The following SERINC5 variants were observed in gnomAD, a reference collection of about 807,000 sequenced individuals.
SERINC5 encodes chromosome 5 open reading frame 12.
SERINC5 carries 41 observed loss-of-function variants against 63.1 expected under a neutral mutation model. That is an observed-to-expected ratio of 0.65 (90% confidence interval 0.51 to 0.84). SERINC5 has a LOEUF of 0.84. Ranked by LOEUF, SERINC5 falls within the 40% of genes least tolerant of loss-of-function variation. The pLI is 0.00. For synonymous variants in SERINC5, 222 were observed against 215.2 expected (o/e 1.03, Z -0.28); for missense variants, 523 against 573.0 (o/e 0.91, Z 0.89).
At chr5:80,230,316 C>A (rs1751379088) in intron 1 of SERINC5, among the ~76,000 whole-genome samples, 1 of 151,854 alleles carries the variant, frequency 6.6e-6, no homozygotes, top group Admixed American at 6.6e-5. Context: ...ACTAAAAATA[C>A]AGCAAAATGA....
intron 1 of SERINC5, among the ~76,000 whole-genome samples, chr5:80,222,867 C>A (rs1361873602): frequency 1.3e-5 from 2 of 151,946 alleles, no homozygotes; most frequent in Non-Finnish European, 2.9e-5. Context: ...GGCCACCATA[C>A]CGGCCAGTTT....
In SERINC5 at chr5:80,142,993, T is replaced by C. The variant is rs1745601564; in HGVS notation, c.*670A>G. On this transcript the variant is annotated 3_prime_UTR_variant, in exon 12 of 12. Transcript: ENST00000507668. Reference sequence around the variant, plus strand: ...AGACAAATTGTGCTTTTTCACATTATTACAAAGATGTGGGACCCAGAAAAG... The same window carrying C: ...AGACAAATTGTGCTTTTTCACATTACTACAAAGATGTGGGACCCAGAAAAG... 2 of 985,438 alleles carry C rather than the reference T, an allele frequency of 2.0e-6. No individual in the cohort carries two copies. Among genetic ancestry groups the C allele is most frequent in the African/African-American group, 1.7e-5 (1 of 57,338 alleles). 61.0% of individuals were successfully genotyped at this position (985,438 alleles called of 1,614,324 possible). A position where few individuals can be genotyped will look rare whatever the true frequency, so the allele number is the denominator to read the frequency against.
intron 11 of SERINC5, among the ~76,000 whole-genome samples, chr5:80,120,842 TAAAG>T (rs1249385051): frequency 6.6e-6 from 1 of 152,156 alleles, no homozygotes; most frequent in Non-Finnish European, 1.5e-5. Flanking sequence ...TGCATTGCTA[TAAAG>T]AAATACCTGA....
chr5:80,157,353 A>T (rs1342435028), intron 8 of SERINC5: 2 of 151,216 alleles, frequency 1.3e-5, no homozygotes, highest in Non-Finnish European at 2.9e-5. Flanking sequence ...ATTTTATTCT[A>T]TCAAATATCT....
intron 1 of SERINC5, among the ~76,000 whole-genome samples, chr5:80,210,851 G>A (rs916634902): frequency 6.6e-6 from 1 of 152,196 alleles, no homozygotes; most frequent in Non-Finnish European, 1.5e-5. Flanking sequence ...CCAGGTAGAT[G>A]ACGGGTGGTA....
chr5:80,192,574 T>C (rs1487804690), intron 2 of SERINC5, among the ~76,000 whole-genome samples: 11 of 152,134 alleles, frequency 7.2e-5, no homozygotes, highest in African/African-American at 2.7e-4. Flanking sequence ...AAGCCATCAA[T>C]AGCTCGAACA....
downstream of SERINC5, among the ~76,000 whole-genome samples, chr5:80,134,876 G>A (rs1745097506): frequency 6.6e-6 from 1 of 152,242 alleles, no homozygotes; most frequent in Non-Finnish European, 1.5e-5. Flanking sequence ...GATTGGTGGA[G>A]ATGGTTTTTA....
chr5:80,221,792 CAA>C (rs34503587), intron 1 of SERINC5, among the ~76,000 whole-genome samples: 4 of 137,316 alleles, frequency 2.9e-5, no homozygotes, highest in Admixed American at 7.2e-5. Flanking sequence ...ACAACTTTAG[CAA>C]AAAAAAAAAA....
chr5:80,122,398 G>A (rs1744586082), intron 11 of SERINC5, among the ~76,000 whole-genome samples: 1 of 151,766 alleles, frequency 6.6e-6, no homozygotes, highest in Non-Finnish European at 1.5e-5. Context: ...AGCAGTGCTG[G>A]CAGCTGATTA....
chr5:80,240,069 A>C (rs898433640), intron 1 of SERINC5, among the ~76,000 whole-genome samples: 1 of 152,204 alleles, frequency 6.6e-6, no homozygotes, highest in African/African-American at 2.4e-5. Context: ...AATTGCTCCA[A>C]CAGGATGGAT....
intron 5 of SERINC5, among the ~76,000 whole-genome samples, chr5:80,173,034 G>A (rs1048409988): frequency 6.6e-6 from 1 of 151,916 alleles, no homozygotes; most frequent in Non-Finnish European, 1.5e-5. Flanking sequence ...CTAACTTCCT[G>A]ATATTGACAC....
chr5:80,233,805 CTTTTTTTTTTT>C (rs373920343), intron 1 of SERINC5, among the ~76,000 whole-genome samples: 1 of 69,950 alleles, frequency 1.4e-5, no homozygotes, highest in East Asian at 4.5e-4. Flanking sequence ...TCAACTTTTA[CTTTTTTTTTTT>C]TTTTTTTTTT....
At position 80,142,208 on chromosome 5, in the gene SERINC5, T is replaced by C. The variant is rs1441595503; in HGVS notation, c.*1455A>G. Reference sequence around the variant, plus strand: ...TTTCCCTGCCTGAATACATCAACACTGAAAATAGGCATCATCTTGGGTAGC... The same window carrying C: ...TTTCCCTGCCTGAATACATCAACACCGAAAATAGGCATCATCTTGGGTAGC... On this transcript the variant is annotated 3_prime_UTR_variant, in exon 12 of 12. Coordinates refer to ENST00000507668, the MANE Select transcript of SERINC5 (RefSeq NM_001174072.3). The C allele has an allele frequency of 1.0e-5, 10 of 985,258 alleles. No individual in the cohort carries two copies. Among genetic ancestry groups the C allele is most frequent in the Non-Finnish European group, 1.2e-5 (10 of 829,886 alleles). The allele number at this position is 985,258 out of a possible 1,614,324, so 61.0% of individuals were successfully genotyped here. A position where few individuals can be genotyped will look rare whatever the true frequency, so the allele number is the denominator to read the frequency against.
intron 2 of SERINC5, among the ~76,000 whole-genome samples, chr5:80,201,997 G>C (rs1434707420): frequency 6.6e-6 from 1 of 152,126 alleles, no homozygotes; most frequent in Non-Finnish European, 1.5e-5. Flanking sequence ...AGCACTTTTG[G>C]GAGGCCAAGG....
intron 3 of SERINC5, 97 bp downstream of exon 3, chr5:80,177,789 G>C (rs933652054): frequency 2.2e-6 from 2 of 902,024 alleles, no homozygotes; most frequent in African/African-American, 1.7e-5. Context: ...ACTAGAAGAA[G>C]GGCAGTCACA....
At position 80,166,286 on chromosome 5, in the gene SERINC5, A is replaced by G. The variant is rs923310804; in HGVS notation, c.859+97T>C. ...TCTGGTAACCATCTTTCTGCTCTCT[A>G]TCTCCAAGGCCTCTCCAATATTTAA... On this transcript the variant is annotated intron_variant, in intron 7 of 11. Coordinates refer to ENST00000507668, the MANE Select transcript of SERINC5 (RefSeq NM_001174072.3). 4.9e-5 allele frequency: 42 copies of G among 860,088 alleles called. No homozygotes were observed. In the African/African-American group the frequency reaches 5.4e-4, roughly 11 times the overall value. 53.3% of individuals were successfully genotyped at this position (860,088 alleles called of 1,614,324 possible). A position where few individuals can be genotyped will look rare whatever the true frequency, so the allele number is the denominator to read the frequency against.
At chr5:80,250,888 T>TAA (rs1752379575) in intron 1 of SERINC5, among the ~76,000 whole-genome samples, 1 of 152,172 alleles carries the variant, frequency 6.6e-6, no homozygotes, top group Non-Finnish European at 1.5e-5. Context: ...ATGCTCACTT[T>TAA]AAAAGGCCTA....
chr5:80,213,669 T>G (rs1026277776), intron 1 of SERINC5, among the ~76,000 whole-genome samples: 1 of 152,182 alleles, frequency 6.6e-6, no homozygotes, highest in Non-Finnish European at 1.5e-5. Flanking sequence ...TCCCTTTCTG[T>G]GCCCCTTCCT....
At chr5:80,232,649 T>TATATA (rs1751501918) in intron 1 of SERINC5, among the ~76,000 whole-genome samples, 6 of 151,998 alleles carry the variant, frequency 3.9e-5, no homozygotes, top group Admixed American at 3.9e-4. Context: ...CTGGGCATAG[T>TATATA]GGCACACACC....
Sources: gnomAD v4.1 joint callset for allele counts (sites outside exome capture counted in the v4.1 genomes callset) on GRCh38, gnomAD v4.1.1 for gene constraint, MANE v1.5 for transcripts, NCBI Gene and HGNC (gene_info 2026-07-23, HGNC 2026-07-21) for gene names.